The following GRAMD1B variants were observed in gnomAD, a reference collection of about 807,000 sequenced individuals.
GRAMD1B encodes protein Aster-B.
GRAMD1B carries 37 observed loss-of-function variants against 99.7 expected under a neutral mutation model. The ratio of observed to expected loss-of-function variants is 0.37; its 90% CI spans 0.29 to 0.49. The LOEUF (loss-of-function observed/expected upper bound fraction) is 0.49, where lower values mean the gene tolerates loss of function less well. Among genes scored for constraint, GRAMD1B ranks in the 20% least tolerant of loss-of-function variants. The probability of loss-of-function intolerance (pLI) is 0.98; values close to 1 mark genes in which losing one functional copy is unlikely to be tolerated. For missense variants in GRAMD1B, 888 were observed against 1,009.2 expected, an observed-to-expected ratio of 0.88 and a Z score of 1.63; for synonymous variants, 427 against 387.6, an observed-to-expected ratio of 1.10 and a Z score of -1.19.
chr11:123,575,328 G>T (rs550487375), intron 2 of GRAMD1B, among the ~76,000 whole-genome samples: 1 of 152,246 alleles, frequency 6.6e-6, no homozygotes, highest in African/African-American at 2.4e-5. Context: ...GTCTGAGATA[G>T]GCATGTACTT....
Position 123,533,310 on chromosome 11 carries a change from G to A in GRAMD1B, c.453-44057G>A, listed in dbSNP as rs577685344. Among the ~76,000 whole-genome samples, 4 of 152,182 alleles carry A rather than the reference G, an allele frequency of 2.6e-5. No homozygotes were observed. The East Asian group carries it at 7.7e-4, about 29-fold the overall frequency. ...TAGTGCTATTCTTTGGTTTGTGTTT[G>A]CAGAAACTTAGCTAGCAGTCCTGTT... On this transcript the variant is annotated intron_variant, in intron 2 of 19. Transcript: ENST00000635736.
chr11:123,612,867 G>A lies in GRAMD1B; in HGVS notation c.2023+3G>A. On this transcript the variant is annotated splice_donor_region_variant and intron_variant, in intron 15 of 19. Coordinates refer to ENST00000635736, the MANE Select transcript of GRAMD1B (RefSeq NM_001387025.1). ...GGAGGACTACTTCCGCCATTTAGGT[G>A]AGCACTGCAATCCTTGCTGCTAGCT... The A allele has an allele frequency of 6.5e-7, 1 of 1,544,774 alleles. No individual in the cohort carries two copies. Among genetic ancestry groups the A allele is most frequent in the Non-Finnish European group, 8.9e-7 (1 of 1,117,986 alleles).
chr11:123,462,513 C>G (rs73609924), intron 1 of GRAMD1B, among the ~76,000 whole-genome samples: 1 of 152,202 alleles, frequency 6.6e-6, no homozygotes, highest in Non-Finnish European at 1.5e-5. Flanking sequence ...GAGTCCCAGC[C>G]CAAGCTCAGA....
At chr11:123,475,940 G>C (rs550069445) in intron 1 of GRAMD1B, among the ~76,000 whole-genome samples, 4 of 152,096 alleles carry the variant, frequency 2.6e-5, no homozygotes, top group Admixed American at 6.6e-5. Flanking sequence ...TGAGTTGCCT[G>C]GGGTCCAGGT....
intron 1 of GRAMD1B, among the ~76,000 whole-genome samples, chr11:123,479,468 C>T (rs538774606): frequency 3.5e-4 from 54 of 152,238 alleles, no homozygotes; most frequent in Non-Finnish European, 5.9e-4. Flanking sequence ...GTGCAGCAGG[C>T]GATCCACCAG....
At chr11:123,428,678 C>T (rs774553985), upstream of GRAMD1B, among the ~76,000 whole-genome samples, 2 of 152,214 alleles carry the variant, frequency 1.3e-5, no homozygotes, top group African/African-American at 2.4e-5. Context: ...TCTTGCTGAA[C>T]TGCAGGGATG....
At chr11:123,482,582 C>G (rs140650568) in intron 2 of GRAMD1B, among the ~76,000 whole-genome samples, 1 of 152,120 alleles carries the variant, frequency 6.6e-6, no homozygotes, top group African/African-American at 2.4e-5. Flanking sequence ...ACCAAATGAT[C>G]TTTGAAAGTT....
chr11:123,385,863 C>G (rs1947038061), intron 1 of GRAMD1B, among the ~76,000 whole-genome samples: 1 of 151,716 alleles, frequency 6.6e-6, no homozygotes, highest in Admixed American at 6.6e-5. Flanking sequence ...CACTGTGAGT[C>G]TGTGTGTGTG....
intron 1 of GRAMD1B, among the ~76,000 whole-genome samples, chr11:123,479,986 C>T (rs1364599081): frequency 2.0e-5 from 3 of 152,030 alleles, no homozygotes; most frequent in African/African-American, 4.8e-5. Context: ...TTTGTGGACT[C>T]CTGATCAGAT....
chr11:123,534,896 G>A (rs1013235937), intron 2 of GRAMD1B, among the ~76,000 whole-genome samples: 4 of 151,920 alleles, frequency 2.6e-5, no homozygotes, highest in African/African-American at 9.7e-5. Flanking sequence ...GGGGGTCTCA[G>A]GCAAAGGAGA....
chr11:123,465,611 A>T (rs1479149721), intron 1 of GRAMD1B, among the ~76,000 whole-genome samples: 3 of 151,756 alleles, frequency 2.0e-5, no homozygotes, highest in Non-Finnish European at 4.4e-5. Flanking sequence ...TACTAAAAAA[A>T]ATACAAAATT....
At chr11:123,622,141 C>T (rs901988011) in intron 19 of GRAMD1B, among the ~76,000 whole-genome samples, 6 of 152,052 alleles carry the variant, frequency 3.9e-5, no homozygotes, top group African/African-American at 1.2e-4. Flanking sequence ...CCACCCCAGC[C>T]TCCTGAGTAG....
chr11:123,417,940 T>C (rs767642765), intron 1 of GRAMD1B, among the ~76,000 whole-genome samples: 2 of 152,126 alleles, frequency 1.3e-5, no homozygotes, highest in African/African-American at 4.8e-5. Context: ...TTTAAAATTA[T>C]TTTTTGTAGA....
Position 123,622,522 on chromosome 11 carries a change from TC to T in GRAMD1B, c.2562del (p.Asn855ThrfsTer56). ...MLLDQMKDSLINLQNGIRSRD... is the reference protein window; with the variant it reads ...MLLDQMKDSLXNLQNGIRSRD... ...GTCTTGCAGATGAAGGACTCGCTCA[TC>T]AACCTTCAGAACGGCATCAGGTCCC... On this transcript the variant is annotated frameshift_variant, in exon 20 of 20. Coordinates refer to ENST00000635736, the MANE Select transcript of GRAMD1B (RefSeq NM_001387025.1). LOFTEE classifies it high-confidence loss of function. The T allele has an allele frequency of 6.4e-7, 1 of 1,556,210 alleles. No individual in the cohort carries two copies. The highest frequency in any genetic ancestry group is 2.4e-5 in the East Asian group (1 of 41,384).
chr11:123,548,349 C>CATATAT (rs142360908), intron 2 of GRAMD1B, among the ~76,000 whole-genome samples: 6 of 107,760 alleles, frequency 5.6e-5, no homozygotes, highest in African/African-American at 2.7e-4. Context: ...CACACACACA[C>CATATAT]ATATATATAT....
rs1025109219 is a variant in GRAMD1B at position 123,431,169 on chromosome 11, A to G, written c.374+3A>G. On this transcript the variant is annotated splice_donor_region_variant and intron_variant, in intron 1 of 19. Coordinates refer to ENST00000635736, the MANE Select transcript of GRAMD1B (RefSeq NM_001387025.1). ...CGGAAGGAGTGCAGTGAAAGCAGGT[A>G]CGTCCCCGTTCCGCCCGTCTCCTTC... The G allele has an allele frequency of 1.4e-6, 1 of 698,418 alleles. No homozygotes were observed. The highest frequency in any genetic ancestry group is 2.6e-6 in the Non-Finnish European group (1 of 382,240). 43.3% of individuals were successfully genotyped at this position (698,418 alleles called of 1,614,324 possible).
chr11:123,479,746 A>G (rs935980941), intron 1 of GRAMD1B, among the ~76,000 whole-genome samples: 9 of 152,204 alleles, frequency 5.9e-5, no homozygotes, highest in African/African-American at 1.9e-4. Context: ...CTCAGCTCTG[A>G]CATGGTAGCA....
At chr11:123,622,438 G>A (rs1592325766) in intron 19 of GRAMD1B, 68 bp from the exon 20 acceptor site, 3 of 958,478 alleles carry the variant, frequency 3.1e-6, no homozygotes, top group East Asian at 5.3e-5. Flanking sequence ...GTGGGGAGAG[G>A]GCTGCTCGGT....
chr11:123,438,169 T>C (rs949142662), intron 1 of GRAMD1B, among the ~76,000 whole-genome samples: 2 of 152,164 alleles, frequency 1.3e-5, no homozygotes, highest in African/African-American at 4.8e-5. Context: ...TTAAATACAT[T>C]ATCACATTAA....
Sources: allele counts gnomAD v4.1 joint callset (sites outside exome capture counted in the v4.1 genomes callset), GRCh38; gene constraint gnomAD v4.1.1; transcripts MANE v1.5; gene names NCBI Gene and HGNC (gene_info 2026-07-23, HGNC 2026-07-21).